Variants in CNKSR2 observed in about 807,000 individuals in gnomAD.
CNKSR2 encodes the protein CNK homolog protein 2.
Under a neutral mutation model 84.4 loss-of-function variants are expected in CNKSR2, and 14 were observed. That is an observed-to-expected ratio of 0.17 (90% CI 0.11 to 0.26). CNKSR2 has a LOEUF of 0.26. Among genes scored for constraint, CNKSR2 ranks in the 10% least tolerant of loss-of-function variants. CNKSR2 has a pLI of 1.00. For missense variants in CNKSR2, 485 were observed against 771.2 expected (o/e 0.63, Z 4.40); for synonymous variants, 275 against 277.9 (o/e 0.99, Z 0.10).
chrX:21,450,968 A>T (rs1348864476), intron 4 of CNKSR2, among the ~76,000 whole-genome samples: 1 of 112,429 alleles, frequency 8.9e-6, no homozygotes, highest in Non-Finnish European at 1.9e-5. Flanking sequence ...TGTGAAACTC[A>T]GTCTATTTTT....
In CNKSR2 at chrX:21,526,853, T is replaced by C; in HGVS notation, c.958-14T>C. 8.4e-7 allele frequency: 1 copy of C among 1,190,890 alleles called. No individual in the cohort carries two copies. ...GTTTGTGTGCGTATGTATTTTCTTT[T>C]TCATTTTAACCAGCCTCTTATACCT... On this transcript the variant is annotated splice_polypyrimidine_tract_variant and intron_variant, in intron 9 of 21. Transcript: ENST00000379510.
At chrX:21,637,810 A>G (rs1250505008) in intron 20 of CNKSR2, among the ~76,000 whole-genome samples, 3 of 111,769 alleles carry the variant, frequency 2.7e-5, no homozygotes, top group Non-Finnish European at 5.7e-5. Context: ...GAAGAAGGGG[A>G]GGCTCCAAAT....
chrX:21,391,143 G>T (rs1428047965), intron 1 of CNKSR2, among the ~76,000 whole-genome samples: 1 of 112,642 alleles, frequency 8.9e-6, no homozygotes, highest in Non-Finnish European at 1.9e-5. Context: ...CTGGCACTGA[G>T]TGCCTACGTC....
intron 20 of CNKSR2, among the ~76,000 whole-genome samples, chrX:21,627,354 C>T: frequency 9.1e-6 from 1 of 109,801 alleles, no homozygotes; most frequent in Non-Finnish European, 1.9e-5. Flanking sequence ...AAAAAATTAG[C>T]CTGGCATGGT....
At chrX:21,612,423 T>C (rs1229843855) in intron 20 of CNKSR2, among the ~76,000 whole-genome samples, 2 of 112,470 alleles carry the variant, frequency 1.8e-5, no homozygotes, top group Non-Finnish European at 3.7e-5. Flanking sequence ...CTTACTGTCC[T>C]GCTCCAGGCC....
intron 20 of CNKSR2, among the ~76,000 whole-genome samples, chrX:21,634,875 C>T (rs1365598140): frequency 1.9e-5 from 2 of 107,006 alleles, no homozygotes; most frequent in African/African-American, 6.8e-5. Context: ...TATATATATA[C>T]ATACATATAT....
intron 4 of CNKSR2, among the ~76,000 whole-genome samples, chrX:21,462,194 C>T (rs776807667): frequency 2.2e-4 from 25 of 111,654 alleles, no homozygotes; most frequent in Non-Finnish European, 4.5e-4. Context: ...TTTTTGGTGG[C>T]TTCTTCCATT....
chrX:21,473,408 T>TAGAGG (rs771525414), intron 5 of CNKSR2, among the ~76,000 whole-genome samples: 1 of 111,717 alleles, frequency 9.0e-6, no homozygotes, highest in Non-Finnish European at 1.9e-5. Flanking sequence ...TACCACTTAG[T>TAGAGG]ATATGAGGCT....
chrX:21,377,049 G>A (rs748038512), intron 1 of CNKSR2, among the ~76,000 whole-genome samples: 1 of 112,243 alleles, frequency 8.9e-6, no homozygotes, highest in East Asian at 2.8e-4. Context: ...TTTTTTAAAT[G>A]TAAGTCGAAT....
At chrX:21,447,929 A>G (rs1290169337) in intron 4 of CNKSR2, among the ~76,000 whole-genome samples, 3 of 111,749 alleles carry the variant, frequency 2.7e-5, no homozygotes, top group African/African-American at 6.5e-5. Context: ...GGGGTTTGGC[A>G]TCAGTATTAT....
chrX:21,463,056 T>C (rs1226552786), intron 4 of CNKSR2, among the ~76,000 whole-genome samples: 2 of 111,077 alleles, frequency 1.8e-5, no homozygotes, highest in African/African-American at 6.6e-5. Flanking sequence ...TTGAATTGTA[T>C]CAAATTCTTT....
chrX:21,523,794 G>T (rs1260047537), intron 9 of CNKSR2, among the ~76,000 whole-genome samples: 1 of 110,110 alleles, frequency 9.1e-6, no homozygotes, highest in African/African-American at 3.3e-5. Flanking sequence ...GATAATTTTA[G>T]CTAATTGCAT....
chrX:21,539,706 C>T (rs2091960123), intron 11 of CNKSR2, among the ~76,000 whole-genome samples: 1 of 110,745 alleles, frequency 9.0e-6, no homozygotes, highest in Non-Finnish European at 1.9e-5. Context: ...GGGTAGGGTG[C>T]TTTGTTTGGG....
intron 20 of CNKSR2, among the ~76,000 whole-genome samples, chrX:21,624,705 CAA>C (rs781737238): frequency 1.4e-4 from 16 of 111,439 alleles, no homozygotes; most frequent in African/African-American, 4.9e-4. Flanking sequence ...GTGATCCTCC[CAA>C]AGTGTTAGGA....
intron 8 of CNKSR2, chrX:21,503,608 A>G: frequency 6.0e-6 from 1 of 166,480 alleles, no homozygotes; most frequent in Non-Finnish European, 1.1e-5. Context: ...CAAAAATTAT[A>G]TAACTATCCA....
intron 20 of CNKSR2, among the ~76,000 whole-genome samples, chrX:21,626,577 G>T (rs1447520480): frequency 1.8e-5 from 2 of 111,981 alleles, no homozygotes; most frequent in African/African-American, 6.5e-5. Flanking sequence ...GAGGCAAAAT[G>T]TTACCTTCTC....
At chrX:21,591,381 A>G (rs966156462) in intron 15 of CNKSR2, 187 bp downstream of exon 15, 36 of 304,629 alleles carry the variant, frequency 1.2e-4, no homozygotes, top group Non-Finnish European at 1.6e-4. Context: ...AGCTGTCTCA[A>G]TTATGCTAAT....
intron 11 of CNKSR2, among the ~76,000 whole-genome samples, chrX:21,552,672 T>C (rs1368052604): frequency 8.9e-6 from 1 of 112,035 alleles, no homozygotes; most frequent in African/African-American, 3.2e-5. Flanking sequence ...AGAAAAGCCA[T>C]ATGTAAACTA....
chrX:21,531,407 CTTAAG>C (rs1266331680), intron 10 of CNKSR2, among the ~76,000 whole-genome samples: 16 of 111,052 alleles, frequency 1.4e-4, no homozygotes, highest in East Asian at 2.8e-4. Flanking sequence ...AAGCATTATA[CTTAAG>C]TTAACATTAT....
Sources: gnomAD v4.1 joint callset for allele counts (sites outside exome capture counted in the v4.1 genomes callset) on GRCh38, gnomAD v4.1.1 for gene constraint, MANE v1.5 for transcripts, NCBI Gene and HGNC (gene_info 2026-07-23, HGNC 2026-07-21) for gene names.